ABI3BP: variants seen among roughly 807,000 people sequenced by gnomAD.
ABI3BP encodes the protein target of Nesh-SH3.
Under a neutral mutation model 268.6 loss-of-function variants are expected in ABI3BP, and 216 were observed. The ratio of observed to expected loss-of-function variants is 0.80; its 90% CI spans 0.72 to 0.90. The LOEUF (loss-of-function observed/expected upper bound fraction) is 0.90, where lower values mean the gene tolerates loss of function less well. Ranked by LOEUF, ABI3BP falls within the 40% of genes least tolerant of loss-of-function variation. The pLI, the probability that ABI3BP is intolerant of heterozygous loss-of-function variation, is 0.00. For missense variants in ABI3BP, 2,090 were observed against 2,182.4 expected, an observed-to-expected ratio of 0.96 and a Z score of 0.84; for synonymous variants, 730 against 730.0, an observed-to-expected ratio of 1.00 and a Z score of 0.00.
chr3:100,856,975 AAG>A (rs1288094899), intron 14 of ABI3BP, among the ~76,000 whole-genome samples: 1 of 152,188 alleles, frequency 6.6e-6, no homozygotes, highest in Non-Finnish European at 1.5e-5. Flanking sequence ...ACCGTAACTG[AAG>A]AGAGAGACTA....
intron 1 of ABI3BP, among the ~76,000 whole-genome samples, chr3:100,930,219 G>A (rs1405071530): frequency 6.6e-6 from 1 of 151,920 alleles, no homozygotes; most frequent in Admixed American, 6.6e-5. Flanking sequence ...GTCACCAGAA[G>A]AGCCCAGGAA....
chr3:100,918,306 ATCCACCCGTCCACCTG>A (rs979460729), intron 2 of ABI3BP, among the ~76,000 whole-genome samples: 6 of 139,282 alleles, frequency 4.3e-5, no homozygotes, highest in Non-Finnish European at 6.5e-5. Flanking sequence ...CCATCCACCC[ATCCACCCGTCCACCTG>A]TCCACCCGTC....
At chr3:100,848,393 GT>G (rs1262183463) in intron 18 of ABI3BP, among the ~76,000 whole-genome samples, 1 of 151,986 alleles carries the variant, frequency 6.6e-6, no homozygotes, top group African/African-American at 2.4e-5. Flanking sequence ...GGACACTTGA[GT>G]TTTGTTATTC....
intron 4 of ABI3BP, among the ~76,000 whole-genome samples, chr3:100,893,054 C>T (rs1221796862): frequency 1.3e-5 from 2 of 152,158 alleles, no homozygotes; most frequent in African/African-American, 4.8e-5. Flanking sequence ...ATCTAATCAG[C>T]TGACAGCATA....
At chr3:100,757,941 A>G (rs1282862507) in intron 63 of ABI3BP, among the ~76,000 whole-genome samples, 4 of 152,220 alleles carry the variant, frequency 2.6e-5, no homozygotes, top group African/African-American at 7.2e-5. Context: ...TTAAAGAACT[A>G]TAAGACCTAC....
chr3:100,765,420 C>T (rs949467683), intron 63 of ABI3BP, among the ~76,000 whole-genome samples: 4 of 152,184 alleles, frequency 2.6e-5, no homozygotes, highest in Non-Finnish European at 4.4e-5. Context: ...TAAGTATTAA[C>T]GCTTAAAAAC....
rs546117825 is a variant in ABI3BP, at chr3:100,789,142, AAAT to A, written c.4087+309_4087+311del. 4.8e-3 allele frequency among the ~76,000 whole-genome samples: 732 copies of A among 152,212 alleles called. 2 individuals are homozygous for A. The highest frequency in any genetic ancestry group is 0.017 in the African/African-American group (687 of 41,542). On this transcript the variant is annotated intron_variant, in intron 56 of 67. Coordinates refer to ENST00000471714, the MANE Select transcript of ABI3BP (RefSeq NM_001375547.2). ...GAAAGAATATCTGAAAGTAAGTATT[AAAT>A]AATAACATGTCATAGCTAACTCTAT...
chr3:100,810,821 A>G lies in ABI3BP; in HGVS notation c.3542-344T>C, dbSNP rs369538257. 4.3e-4 allele frequency among the ~76,000 whole-genome samples: 66 copies of G among 152,278 alleles called. 2 individuals are homozygous for G. In the South Asian group the frequency reaches 0.014, roughly 32 times the overall value. Reference sequence around the variant, plus strand: ...GCACTGAATTTCACTTAAAGAATGGAGAAGAAAACCACAAATATAAATAAC... The same window carrying G: ...GCACTGAATTTCACTTAAAGAATGGGGAAGAAAACCACAAATATAAATAAC... On this transcript the variant is annotated intron_variant, in intron 48 of 67. Coordinates refer to ENST00000471714, the MANE Select transcript of ABI3BP (RefSeq NM_001375547.2).
At chr3:100,971,146 A>G (rs1464249572) in intron 1 of ABI3BP, among the ~76,000 whole-genome samples, 1 of 152,184 alleles carries the variant, frequency 6.6e-6, no homozygotes, top group Non-Finnish European at 1.5e-5. Flanking sequence ...TTTGTATTTC[A>G]GTTAGGAATT....
At chr3:100,908,608 C>T (rs1238181382) in intron 2 of ABI3BP, among the ~76,000 whole-genome samples, 1 of 151,928 alleles carries the variant, frequency 6.6e-6, no homozygotes, top group African/African-American at 2.4e-5. Flanking sequence ...TCTTATACAC[C>T]AATAACAGAC....
intron 9 of ABI3BP, among the ~76,000 whole-genome samples, chr3:100,869,636 G>A (rs2099091063): frequency 6.6e-6 from 1 of 151,996 alleles, no homozygotes; most frequent in Admixed American, 6.5e-5. Context: ...TTACAAGTGG[G>A]AGCCACTGCA....
intron 1 of ABI3BP, among the ~76,000 whole-genome samples, chr3:100,966,898 G>A (rs182988092): frequency 9.2e-4 from 139 of 150,960 alleles, no homozygotes; most frequent in Non-Finnish European, 1.3e-3. Flanking sequence ...ACTTCACCAC[G>A]TTATGTGTGC....
intron 1 of ABI3BP, among the ~76,000 whole-genome samples, chr3:100,958,074 C>T (rs1198930117): frequency 6.6e-6 from 1 of 152,160 alleles, no homozygotes; most frequent in East Asian, 1.9e-4. Flanking sequence ...AAAGTGGACA[C>T]TATCAAATTC....
At chr3:100,770,596 T>C in intron 62 of ABI3BP, 147 bp downstream of exon 62, 1 of 549,600 alleles carries the variant, frequency 1.8e-6, no homozygotes, top group Middle Eastern at 5.2e-4. Flanking sequence ...TTGTTGACAA[T>C]AATGTGCCTT....
Position 100,750,619 on chromosome 3 carries a change from G to A in ABI3BP, c.5246-9C>T, listed in dbSNP as rs776617188. 7 of 1,595,830 alleles carry A rather than the reference G, an allele frequency of 4.4e-6. No individual in the cohort carries two copies. The highest frequency in any genetic ancestry group is 6.0e-6 in the Non-Finnish European group (7 of 1,165,714). ...AACTGCTCTGAAATAACCTGAGAGA[G>A]AAAATAGTTTCATTTTAATAGCTGC... is the stretch of plus-strand genomic sequence containing the variant. On this transcript the variant is annotated splice_polypyrimidine_tract_variant and intron_variant, in intron 67 of 67. Transcript: ENST00000471714.
chr3:100,867,012 C>T (rs1268877581), intron 9 of ABI3BP, 56 bp from the exon 10 acceptor site: 9 of 1,317,578 alleles, frequency 6.8e-6, no homozygotes, highest in Non-Finnish European at 7.6e-6. Flanking sequence ...AAAATACCTC[C>T]CTCAATGCAT....
At chr3:100,970,342 G>C (rs1455202898) in intron 1 of ABI3BP, among the ~76,000 whole-genome samples, 1 of 152,136 alleles carries the variant, frequency 6.6e-6, no homozygotes, top group African/African-American at 2.4e-5. Flanking sequence ...TGTGAAAAAT[G>C]GAGCACCCCA....
intron 2 of ABI3BP, among the ~76,000 whole-genome samples, chr3:100,904,568 G>C (rs1219885552): frequency 6.6e-6 from 1 of 152,174 alleles, no homozygotes; most frequent in African/African-American, 2.4e-5. Context: ...AGGGTAAGGA[G>C]GGGGACACAC....
intron 1 of ABI3BP, among the ~76,000 whole-genome samples, chr3:100,930,302 A>G (rs1057329476): frequency 1.3e-5 from 2 of 151,976 alleles, no homozygotes; most frequent in Non-Finnish European, 2.9e-5. Context: ...TGTCAACAGG[A>G]GTGAGAAAAA....
Sources: gnomAD v4.1 joint callset for allele counts (sites outside exome capture counted in the v4.1 genomes callset) on GRCh38, gnomAD v4.1.1 for gene constraint, MANE v1.5 for transcripts, NCBI Gene and HGNC (gene_info 2026-07-23, HGNC 2026-07-21) for gene names.